Variants in DVL2 observed in about 807,000 individuals in gnomAD.
The protein encoded by DVL2 is dishevelled segment polarity protein 2.
In DVL2, 38 loss-of-function variants were observed where a neutral mutation model predicts 69.8. That is an observed-to-expected ratio of 0.54 (90% confidence interval 0.42 to 0.71). The LOEUF is 0.71. DVL2 is among the 30% of genes least tolerant of loss of function. The pLI, the probability that DVL2 is intolerant of heterozygous loss-of-function variation, is 0.00. For missense variants in DVL2, 931 were observed against 1,008.1 expected (o/e 0.92, Z 1.04); for synonymous variants, 428 against 392.4 (o/e 1.09, Z -1.07).
Position 7,225,810 on chromosome 17 carries a change from C to T in DVL2, c.*55G>A. The T allele has an allele frequency of 6.7e-7, 1 of 1,488,612 alleles. No homozygotes were observed. The highest frequency in any genetic ancestry group is 9.3e-7 in the Non-Finnish European group (1 of 1,069,702). 92.2% of individuals were successfully genotyped at this position (1,488,612 alleles called of 1,614,324 possible). On this transcript the variant is annotated 3_prime_UTR_variant, in exon 15 of 15. Coordinates refer to ENST00000005340, the MANE Select transcript of DVL2 (RefSeq NM_004422.3). ...ACTGTAAGAGCAAGCACATGACGGC[C>T]AGGACACCCAGTCACACACCAGGAG...
rs2071594792 is a variant in DVL2 at position 7,234,075 on chromosome 17, T to G, written c.188A>C (p.Asp63Ala). The G allele has an allele frequency of 6.2e-7, 1 of 1,613,892 alleles. No homozygotes were observed. Among genetic ancestry groups the G allele is most frequent in the Non-Finnish European group, 8.5e-7 (1 of 1,179,992 alleles). ...ATCTAGGCCTTGCGCTCACCCGAAA[T>G]CCTGATCCATAGACTTGAAAAAGTA... ...AKYFFKSMDQ[D>A]FGVVKEEISD... Residue 63 changes from aspartate to alanine, a missense_variant, in exon 1 of 15, where the codon GAT (aspartate) becomes GCT (alanine). Around this residue, in one of 3 missense-constraint regions of DVL2, gnomAD observed 555 missense variants for 588.8 expected, o/e 0.94. Transcript: ENST00000005340.
In DVL2 at chr17:7,225,679, T is replaced by C; in HGVS notation, c.*186A>G. 1.7e-6 allele frequency: 1 copy of C among 593,690 alleles called. No homozygotes were observed. The highest frequency in any genetic ancestry group is 3.0e-6 in the Non-Finnish European group (1 of 336,882). 36.8% of individuals were successfully genotyped at this position (593,690 alleles called of 1,614,324 possible). A position where few individuals can be genotyped will look rare whatever the true frequency, so the allele number is the denominator to read the frequency against. On this transcript the variant is annotated 3_prime_UTR_variant, in exon 15 of 15. Coordinates refer to ENST00000005340, the MANE Select transcript of DVL2 (RefSeq NM_004422.3). ...AAACAAAGCTAAAAATAATCAAAGG[T>C]CCCTTGTCTACCCCTGAGGGAAGGG...
intron 1 of DVL2, 116 bp downstream of exon 1, chr17:7,233,953 T>A (rs1043705697): frequency 1.5e-5 from 17 of 1,114,876 alleles, no homozygotes; most frequent in Non-Finnish European, 2.1e-5. Context: ...TAGTACAATC[T>A]GCTCCACCAT....
chr17:7,230,881 C>G, intron 1 of DVL2, 84 bp from the exon 2 acceptor site: 1 of 1,069,778 alleles, frequency 9.3e-7, no homozygotes, highest in East Asian at 2.5e-5. Flanking sequence ...CAATCTTCAC[C>G]TGGCTCCAGG....
chr17:7,229,844 C>A lies in DVL2; in HGVS notation c.620G>T (p.Ser207Ile). 1 of 1,612,294 alleles carries A rather than the reference C, an allele frequency of 6.2e-7. No homozygotes were observed. Among genetic ancestry groups the A allele is most frequent in the Non-Finnish European group, 8.5e-7 (1 of 1,179,946 alleles). Residue 207 changes from serine to isoleucine, a missense_variant, in exon 5 of 15, where the codon AGC (serine) becomes ATC (isoleucine). Ser to Ile is a moderately radical substitution (Grantham distance 142). Around this residue, in one of 3 missense-constraint regions of DVL2, gnomAD observed 555 missense variants for 588.8 expected, o/e 0.94. Transcript: ENST00000005340. This position sits in a 1 kb window ranked among gnomAD's most constrained non-coding sequence, Gnocchi z 4.4. ...GTCCTCCTCGTCCGAGTCCCCCAGGCTGGTACTCTCCAGCTCGCTGGTCAT... is the reference window on the plus strand; with the variant it reads ...GTCCTCCTCGTCCGAGTCCCCCAGGATGGTACTCTCCAGCTCGCTGGTCAT... ...TLMTSELEST[S>I]LGDSDEEDTM...
chr17:7,231,438 G>C (rs2071541189), intron 1 of DVL2, among the ~76,000 whole-genome samples: 1 of 127,924 alleles, frequency 7.8e-6, no homozygotes, highest in African/African-American at 3.2e-5. Flanking sequence ...ATTCCAGCCT[G>C]GGCGGCTCAA....
intron 9 of DVL2, 130 bp from the exon 10 acceptor site, chr17:7,228,174 G>A: frequency 1.4e-6 from 1 of 724,364 alleles, no homozygotes; most frequent in East Asian, 2.7e-5. Context: ...CTGGGCTAGA[G>A]AAGGTGAGGG....
intron 1 of DVL2, 140 bp from the exon 2 acceptor site, chr17:7,230,937 A>G (rs2142993460): frequency 1.7e-6 from 1 of 583,620 alleles, no homozygotes; most frequent in Non-Finnish European, 3.1e-6. Flanking sequence ...TTACATTGAA[A>G]GAACTCACTC....
chr17:7,233,858 G>A (rs1243011260), intron 1 of DVL2: 2 of 628,230 alleles, frequency 3.2e-6, no homozygotes, highest in African/African-American at 3.7e-5. Context: ...GTCTAATCTG[G>A]TTTAGGATAT....
intron 1 of DVL2, among the ~76,000 whole-genome samples, chr17:7,231,886 C>G (rs1311316860): frequency 6.7e-6 from 1 of 149,480 alleles, no homozygotes; most frequent in East Asian, 1.9e-4. Flanking sequence ...AAAAAAACCA[C>G]CCATTGGATC....
chr17:7,225,728 A>G lies in DVL2; in HGVS notation c.*137T>C, dbSNP rs996738772. Reference sequence around the variant, plus strand: ...GGGGAGGAACCAGGCACTGCTGGTGAGAGTCACAGTGGCCACAATCTCCTG... The same window carrying G: ...GGGGAGGAACCAGGCACTGCTGGTGGGAGTCACAGTGGCCACAATCTCCTG... On this transcript the variant is annotated 3_prime_UTR_variant, in exon 15 of 15. Coordinates refer to ENST00000005340, the MANE Select transcript of DVL2 (RefSeq NM_004422.3). 8 of 746,496 alleles carry G rather than the reference A, an allele frequency of 1.1e-5. No individual in the cohort carries two copies. Among genetic ancestry groups the G allele is most frequent in the Admixed American group, 4.1e-5 (2 of 48,548 alleles). The allele number at this position is 746,496 out of a possible 1,614,324, so 46.2% of individuals were successfully genotyped here.
At chr17:7,231,326 G>A (rs1331741497) in intron 1 of DVL2, among the ~76,000 whole-genome samples, 2 of 151,262 alleles carry the variant, frequency 1.3e-5, no homozygotes, top group Non-Finnish European at 2.9e-5. Context: ...AGCCGGGCAT[G>A]ATGGTGGGTG....
At position 7,234,290 on chromosome 17, in the gene DVL2, A is replaced by G; in HGVS notation, c.-28T>C. ...TCTCGCCCGCGCGCTCCCGGGCTCC[A>G]CCGCCCACCCAAAGGGCTAATGGCC... On this transcript the variant is annotated 5_prime_UTR_variant, in exon 1 of 15. Coordinates refer to ENST00000005340, the MANE Select transcript of DVL2 (RefSeq NM_004422.3). 1 of 1,590,748 alleles carries G rather than the reference A, an allele frequency of 6.3e-7. No individual in the cohort carries two copies. The highest frequency in any genetic ancestry group is 8.5e-7 in the Non-Finnish European group (1 of 1,170,158).
chr17:7,230,621 G>T, intron 2 of DVL2, 107 bp downstream of exon 2: 1 of 1,348,142 alleles, frequency 7.4e-7, no homozygotes, highest in Non-Finnish European at 1.0e-6. Flanking sequence ...GAGGTAAAGA[G>T]CCAGGGCTGC....
At position 7,234,208 on chromosome 17, in the gene DVL2, G is replaced by A; in HGVS notation, c.55C>T (p.His19Tyr). ...GGVGETKVIY[H>Y]LDEEETPYLV... is the part of the protein sequence containing the mutation. ...TAGGGAGTCTCTTCCTCATCCAGGT[G>A]GTAAATCACCTTCGTCTCCCCAACC... The change falls in exon 1 of 15, where the codon CAC becomes TAC. Residue 19 changes from histidine to tyrosine, a missense_variant. His to Tyr is a moderately conservative substitution (Grantham distance 83). Around this residue, in one of 3 missense-constraint regions of DVL2, gnomAD observed 555 missense variants for 588.8 expected, o/e 0.94. Coordinates refer to ENST00000005340, the MANE Select transcript of DVL2 (RefSeq NM_004422.3). The A allele has an allele frequency of 6.2e-7, 1 of 1,614,086 alleles. No homozygotes were observed. The highest frequency in any genetic ancestry group is 1.1e-5 in the South Asian group (1 of 91,078).
chr17:7,228,815 C>A (rs1438059247), intron 9 of DVL2, 154 bp downstream of exon 9: 1 of 682,318 alleles, frequency 1.5e-6, no homozygotes, highest in Non-Finnish European at 2.5e-6. Flanking sequence ...CTCCTCACCT[C>A]AGGTGATCCA....
Position 7,229,807 on chromosome 17 carries a change from C to T in DVL2, c.656+1G>A. On this transcript the variant is annotated splice_donor_variant, in intron 5 of 14. Transcript: ENST00000005340. LOFTEE classifies it high-confidence loss of function. The surrounding 1 kb of genome is among the most constrained non-coding windows in gnomAD (Gnocchi z 4.4). ...CTGGGGAGAGCTGTGCGGAGCCACA[C>T]CTGCTCATGGTGTCCTCCTCGTCCG... is the stretch of plus-strand genomic sequence containing the variant. The T allele has an allele frequency of 6.2e-7, 1 of 1,611,242 alleles. No individual in the cohort carries two copies. The highest frequency in any genetic ancestry group is 8.5e-7 in the Non-Finnish European group (1 of 1,178,792).
Position 7,234,482 on chromosome 17 carries a change from A to G in DVL2, c.-220T>C. The G allele has an allele frequency of 1.8e-6, 1 of 547,532 alleles. No individual in the cohort carries two copies. The highest frequency in any genetic ancestry group is 2.5e-5 in the South Asian group (1 of 40,140). The allele number at this position is 547,532 out of a possible 1,614,324, so 33.9% of individuals were successfully genotyped here. On this transcript the variant is annotated 5_prime_UTR_variant, in exon 1 of 15. Transcript: ENST00000005340. ...CCGGTCTCAGCGGCCGCCGCGCGCC[A>G]CCGCCACCGACGCCGCGAGCTTCCT...
At chr17:7,230,854 C>T (rs2071532468) in intron 1 of DVL2, 57 bp from the exon 2 acceptor site, 1 of 1,366,838 alleles carries the variant, frequency 7.3e-7, no homozygotes, top group African/African-American at 1.4e-5. Flanking sequence ...CACCCCGACC[C>T]CCATCAAACT....
Sources: gnomAD v4.1 joint callset for allele counts (sites outside exome capture counted in the v4.1 genomes callset) on GRCh38, gnomAD v4.1.1 for gene constraint, gnomAD v4.1.1 regional missense constraint, Gnocchi (gnomAD v3.1) non-coding constraint, MANE v1.5 for transcripts, NCBI Gene and HGNC (gene_info 2026-07-23, HGNC 2026-07-21) for gene names.